PARD3: variants seen among roughly 807,000 people sequenced by gnomAD.
The protein encoded by PARD3 is par-3 family cell polarity regulator.
PARD3 carries 75 observed loss-of-function variants against 155.4 expected under a neutral mutation model. The ratio of observed to expected loss-of-function variants is 0.48; its 90% CI spans 0.40 to 0.58. The LOEUF is 0.58. Among genes scored for constraint, PARD3 ranks in the 20% least tolerant of loss-of-function variants. The pLI is 0.00. For synonymous variants in PARD3, 576 were observed against 610.5 expected, an observed-to-expected ratio of 0.94 and a Z score of 0.83; for missense variants, 1,642 against 1,721.7, an observed-to-expected ratio of 0.95 and a Z score of 0.82.
At chr10:34,338,045 A>G (rs1836385118) in intron 16 of PARD3, among the ~76,000 whole-genome samples, 1 of 152,270 alleles carries the variant, frequency 6.6e-6, no homozygotes, top group Admixed American at 6.5e-5. Context: ...CAAATAACAG[A>G]TAAGAAAGAT....
At chr10:34,784,463 G>A (rs1168768171) in intron 1 of PARD3, among the ~76,000 whole-genome samples, 7 of 150,728 alleles carry the variant, frequency 4.6e-5, no homozygotes, top group African/African-American at 7.3e-5. Flanking sequence ...TTTTGGAGAC[G>A]GAGTCTCACT....
At chr10:34,343,537 T>C (rs1837057501) in intron 15 of PARD3, 11 of 985,194 alleles carry the variant, frequency 1.1e-5, no homozygotes, top group Non-Finnish European at 1.3e-5. Flanking sequence ...GAAAGGCTAG[T>C]ATTTCCACAA....
intron 7 of PARD3, among the ~76,000 whole-genome samples, chr10:34,385,215 C>T (rs1304748331): frequency 1.3e-5 from 2 of 152,128 alleles, no homozygotes; most frequent in African/African-American, 2.4e-5. Flanking sequence ...TTCATTGCAA[C>T]CTCCACCACC....
chr10:34,713,068 C>G (rs1042268494), intron 1 of PARD3, among the ~76,000 whole-genome samples: 1 of 151,776 alleles, frequency 6.6e-6, no homozygotes, highest in Non-Finnish European at 1.5e-5. Flanking sequence ...ATAAATTAGC[C>G]GGGCATGGTG....
intron 1 of PARD3, among the ~76,000 whole-genome samples, chr10:34,762,259 G>GGAGAGAAA (rs1837539234): frequency 6.7e-6 from 1 of 149,320 alleles, no homozygotes; most frequent in Admixed American, 6.7e-5. Flanking sequence ...GGAGGGAGAG[G>GGAGAGAAA]GAGAGAGAGA....
chr10:34,739,130 A>G (rs1034813957), intron 1 of PARD3, among the ~76,000 whole-genome samples: 11 of 152,218 alleles, frequency 7.2e-5, no homozygotes, highest in African/African-American at 2.7e-4. Context: ...GAAGTTGACA[A>G]CTAAATGCAA....
chr10:34,611,738 G>A (rs2090904071), intron 2 of PARD3, among the ~76,000 whole-genome samples: 1 of 151,528 alleles, frequency 6.6e-6, no homozygotes, highest in South Asian at 2.1e-4. Flanking sequence ...ACGGGAGAGA[G>A]CTAAAAACTG....
At position 34,669,566 on chromosome 10, in the gene PARD3, A is replaced by C. The variant is rs555199396; in HGVS notation, c.222+26752T>G. ...CAATATATCCATGTAACGAAACTGC[A>C]CTTGTATTCCTTACGTTTACACAAT... On this transcript the variant is annotated intron_variant, in intron 2 of 24. Transcript: ENST00000374788. 1.8e-4 allele frequency among the ~76,000 whole-genome samples: 27 copies of C among 152,318 alleles called. 1 individual carries two copies. The highest frequency in any genetic ancestry group is 5.8e-4 in the African/African-American group (24 of 41,560).
chr10:34,148,427 T>C (rs903586245), intron 22 of PARD3, among the ~76,000 whole-genome samples: 5 of 152,226 alleles, frequency 3.3e-5, no homozygotes, highest in Admixed American at 1.3e-4. Context: ...ATCATAATAG[T>C]GTCTCCATGG....
At chr10:34,205,891 G>T (rs1951453060) in intron 22 of PARD3, among the ~76,000 whole-genome samples, 1 of 152,192 alleles carries the variant, frequency 6.6e-6, no homozygotes, top group Non-Finnish European at 1.5e-5. Flanking sequence ...CCCTGGGGCT[G>T]CGCATCTGAT....
At chr10:34,220,742 G>A (rs1952236894) in intron 22 of PARD3, among the ~76,000 whole-genome samples, 1 of 152,278 alleles carries the variant, frequency 6.6e-6, no homozygotes, top group African/African-American at 2.4e-5. Context: ...CACATAGTTG[G>A]TTCAATAACA....
rs777411134 is a variant in PARD3, at chr10:34,696,462, C to T, written c.121-43G>A. On this transcript the variant is annotated intron_variant, in intron 1 of 24. Transcript: ENST00000374788. ...AACACTGAATATAGCAAGTTAGCAT[C>T]ACCAAAAGGGAATTAGACATTTTAA... 7 of 1,180,618 alleles carry T rather than the reference C, an allele frequency of 5.9e-6. No individual in the cohort carries two copies. The South Asian group carries it at 8.8e-5, about 15-fold the overall frequency. The allele number at this position is 1,180,618 out of a possible 1,614,324, so 73.1% of individuals were successfully genotyped here.
chr10:34,419,471 T>A (rs1302413249), intron 5 of PARD3, among the ~76,000 whole-genome samples: 2 of 151,994 alleles, frequency 1.3e-5, no homozygotes, highest in Non-Finnish European at 2.9e-5. Flanking sequence ...GAGCAGAGAT[T>A]GTGCCACTGC....
At chr10:34,595,736 A>G (rs1052351060) in intron 2 of PARD3, among the ~76,000 whole-genome samples, 2 of 152,200 alleles carry the variant, frequency 1.3e-5, no homozygotes, top group Admixed American at 1.3e-4. Context: ...TATTTCAAAT[A>G]TAAGGAATTC....
At chr10:34,493,201 T>C (rs888238813) in intron 3 of PARD3, among the ~76,000 whole-genome samples, 1 of 152,138 alleles carries the variant, frequency 6.6e-6, no homozygotes, top group African/African-American at 2.4e-5. Flanking sequence ...GCTAGTACAA[T>C]GCAAGACATG....
At chr10:34,800,839 T>G (rs1219721504) in intron 1 of PARD3, among the ~76,000 whole-genome samples, 1 of 152,128 alleles carries the variant, frequency 6.6e-6, no homozygotes, top group African/African-American at 2.4e-5. Context: ...GAGCTTTCGA[T>G]CATGAGTCCT....
At chr10:34,389,021 C>T (rs1842622832) in intron 7 of PARD3, among the ~76,000 whole-genome samples, 1 of 152,056 alleles carries the variant, frequency 6.6e-6, no homozygotes, top group South Asian at 2.1e-4. Context: ...ATAAACCCTA[C>T]TTGGCTTTAT....
intron 3 of PARD3, among the ~76,000 whole-genome samples, chr10:34,503,248 TA>T (rs1471130767): frequency 6.6e-6 from 1 of 152,216 alleles, no homozygotes; most frequent in Non-Finnish European, 1.5e-5. Context: ...CAAGCTGTTT[TA>T]AATAACAAAT....
chr10:34,284,400 T>C (rs773897793), intron 20 of PARD3, among the ~76,000 whole-genome samples, 155 bp from the exon 21 acceptor site: 1 of 152,200 alleles, frequency 6.6e-6, no homozygotes, highest in Non-Finnish European at 1.5e-5. Context: ...AGGACTAGTA[T>C]TTTGAATCAG....
Sources: allele counts gnomAD v4.1 joint callset (sites outside exome capture counted in the v4.1 genomes callset), GRCh38; gene constraint gnomAD v4.1.1; transcripts MANE v1.5; gene names NCBI Gene and HGNC (gene_info 2026-07-23, HGNC 2026-07-21).